Variants in CNTN4 observed in about 807,000 individuals in gnomAD.
CNTN4 encodes contactin 4.
CNTN4 carries 77 observed loss-of-function variants against 122.5 expected under a neutral mutation model. The observed-to-expected ratio is 0.63, with a 90% CI of 0.52 to 0.76. The LOEUF (loss-of-function observed/expected upper bound fraction) is 0.76. Among genes scored for constraint, CNTN4 ranks in the 30% least tolerant of loss-of-function variants. The probability of loss-of-function intolerance (pLI) is 0.00; values close to 1 mark genes in which losing one functional copy is unlikely to be tolerated. For missense variants in CNTN4, 1,256 were observed against 1,259.1 expected, an observed-to-expected ratio of 1.00 and a Z score of 0.04; for synonymous variants, 512 against 447.0, an observed-to-expected ratio of 1.15 and a Z score of -1.83.
chr3:2,688,206 A>G (rs1369562741), intron 4 of CNTN4, among the ~76,000 whole-genome samples: 1 of 152,206 alleles, frequency 6.6e-6, no homozygotes, highest in African/African-American at 2.4e-5. Flanking sequence ...CTTTTAAAAA[A>G]TAATCTGCTT....
chr3:2,593,043 T>C (rs1348738802), intron 4 of CNTN4, among the ~76,000 whole-genome samples: 1 of 152,192 alleles, frequency 6.6e-6, no homozygotes, highest in African/African-American at 2.4e-5. Flanking sequence ...CCCTACCTAA[T>C]TTGAGAATAC....
chr3:2,677,437 T>G (rs997032725), intron 4 of CNTN4, among the ~76,000 whole-genome samples: 4 of 150,872 alleles, frequency 2.7e-5, no homozygotes, highest in Admixed American at 1.3e-4. Flanking sequence ...TCTATGTATC[T>G]ATACATAGAT....
At chr3:2,229,299 G>T (rs1349991019) in intron 2 of CNTN4, among the ~76,000 whole-genome samples, 2 of 152,124 alleles carry the variant, frequency 1.3e-5, no homozygotes, top group African/African-American at 4.8e-5. Flanking sequence ...AATTTCAAAG[G>T]AGGTCCAATA....
chr3:2,878,016 C>G (rs974717604), intron 8 of CNTN4, among the ~76,000 whole-genome samples: 3 of 152,178 alleles, frequency 2.0e-5, no homozygotes, highest in Admixed American at 6.5e-5. Context: ...AAAATTGCTT[C>G]TCTTGTTTTT....
In CNTN4 at chr3:2,744,431, A is replaced by G. The variant is rs1283988679; in HGVS notation, c.183-1091A>G. On this transcript the variant is annotated intron_variant, in intron 5 of 24. Coordinates refer to ENST00000418658, the MANE Select transcript of CNTN4 (RefSeq NM_175607.3). ...TTACTATTTAAAGGAGATAAGGTTA[A>G]TGGCTCTCATTCCTTACTCTCATTA... Among the ~76,000 whole-genome samples, 15 of 152,358 alleles carry G rather than the reference A, an allele frequency of 9.8e-5. 1 individual carries two copies. In the East Asian group the frequency reaches 2.9e-3, roughly 29 times the overall value.
chr3:2,719,367 C>G (rs980700118), intron 4 of CNTN4, among the ~76,000 whole-genome samples: 1 of 151,348 alleles, frequency 6.6e-6, no homozygotes, highest in Non-Finnish European at 1.5e-5. Flanking sequence ...ATGATCTCGG[C>G]TCACTGCAAC....
intron 4 of CNTN4, among the ~76,000 whole-genome samples, chr3:2,586,620 C>T (rs1004240064): frequency 5.3e-5 from 8 of 152,178 alleles, no homozygotes; most frequent in Non-Finnish European, 8.8e-5. Context: ...TTTATAGTCC[C>T]TGTGCGGAAA....
chr3:2,747,798 A>C (rs1193971426), intron 6 of CNTN4, among the ~76,000 whole-genome samples: 1 of 152,188 alleles, frequency 6.6e-6, no homozygotes, highest in African/African-American at 2.4e-5. Context: ...TAGTGACAGA[A>C]AGTTCACCAA....
chr3:2,429,388 G>A (rs1018970133), intron 3 of CNTN4, among the ~76,000 whole-genome samples: 3 of 152,142 alleles, frequency 2.0e-5, no homozygotes, highest in African/African-American at 7.2e-5. Context: ...CAGAGGCTGC[G>A]GAACAGCAAA....
At chr3:2,525,308 T>C (rs2077362756) in intron 3 of CNTN4, among the ~76,000 whole-genome samples, 1 of 152,176 alleles carries the variant, frequency 6.6e-6, no homozygotes, top group African/African-American at 2.4e-5. Flanking sequence ...GTTAGTGCTC[T>C]GAGAAAAAAT....
At chr3:2,747,225 C>G (rs987098837) in intron 6 of CNTN4, among the ~76,000 whole-genome samples, 3 of 151,886 alleles carry the variant, frequency 2.0e-5, no homozygotes, top group East Asian at 1.9e-4. Flanking sequence ...CTGGCTAACA[C>G]GATGAAACCG....
intron 2 of CNTN4, among the ~76,000 whole-genome samples, chr3:2,224,555 A>G (rs1426693357): frequency 1.3e-5 from 2 of 152,148 alleles, no homozygotes; most frequent in African/African-American, 2.4e-5. Context: ...TATTTTTGCC[A>G]TGAGTACAAC....
intron 2 of CNTN4, among the ~76,000 whole-genome samples, chr3:2,100,864 C>T (rs982075157): frequency 6.6e-6 from 1 of 152,104 alleles, no homozygotes; most frequent in African/African-American, 2.4e-5. Flanking sequence ...CATTATTTTT[C>T]CATCTGAACC....
chr3:2,950,342 A>G (rs2094726375), intron 13 of CNTN4, among the ~76,000 whole-genome samples: 1 of 152,232 alleles, frequency 6.6e-6, no homozygotes, highest in Non-Finnish European at 1.5e-5. Context: ...TTGTATGTCC[A>G]TGCTTCATTG....
At chr3:2,210,718 A>G (rs1328798132) in intron 2 of CNTN4, among the ~76,000 whole-genome samples, 1 of 152,154 alleles carries the variant, frequency 6.6e-6, no homozygotes, top group African/African-American at 2.4e-5. Flanking sequence ...GGTAAGACTC[A>G]TCTGTCTCCT....
intron 4 of CNTN4, among the ~76,000 whole-genome samples, chr3:2,588,309 CAA>C (rs2080300252): frequency 6.6e-6 from 1 of 152,062 alleles, no homozygotes. Flanking sequence ...CAGAAGAACT[CAA>C]AGAGAATTAA....
intron 2 of CNTN4, among the ~76,000 whole-genome samples, chr3:2,126,845 A>C (rs926557576): frequency 1.1e-4 from 17 of 152,158 alleles, no homozygotes; most frequent in African/African-American, 3.9e-4. Context: ...ATATAGAAAT[A>C]AAGAGACGAG....
At chr3:2,149,596 A>G (rs2035404908) in intron 2 of CNTN4, among the ~76,000 whole-genome samples, 1 of 152,186 alleles carries the variant, frequency 6.6e-6, no homozygotes, top group African/African-American at 2.4e-5. Context: ...GATGTTCTTA[A>G]AACAGCATGC....
intron 3 of CNTN4, among the ~76,000 whole-genome samples, chr3:2,482,489 G>A (rs2076033247): frequency 6.6e-6 from 1 of 152,030 alleles, no homozygotes; most frequent in Non-Finnish European, 1.5e-5. Flanking sequence ...AATTCCATAA[G>A]TAATAAGGAG....
Sources: allele counts gnomAD v4.1 joint callset (sites outside exome capture counted in the v4.1 genomes callset), GRCh38; gene constraint gnomAD v4.1.1; transcripts MANE v1.5; gene names NCBI Gene and HGNC (gene_info 2026-07-23, HGNC 2026-07-21).